LARS2: variants seen among roughly 807,000 people sequenced by gnomAD.
LARS2 encodes leucyl-tRNA synthetase 2, mitochondrial, also known as leucine--tRNA ligase, mitochondrial.
A neutral mutation model predicts 116.6 loss-of-function variants in LARS2; 81 were observed. The observed-to-expected ratio is 0.69, with a 90% CI of 0.58 to 0.84. The LOEUF (loss-of-function observed/expected upper bound fraction) is 0.84. LARS2 is among the 40% of genes least tolerant of loss of function. LARS2 has a pLI of 0.00. For synonymous variants in LARS2, 396 were observed against 407.2 expected, an observed-to-expected ratio of 0.97 and a Z score of 0.33; for missense variants, 968 against 1,114.5, an observed-to-expected ratio of 0.87 and a Z score of 1.87.
At chr3:45,403,314 CT>C (rs1379186011) in intron 4 of LARS2, among the ~76,000 whole-genome samples, 4 of 151,222 alleles carry the variant, frequency 2.6e-5, no homozygotes, top group South Asian at 2.1e-4. Flanking sequence ...TACAATTAAG[CT>C]TTTTTTTGTT....
intron 6 of LARS2, among the ~76,000 whole-genome samples, chr3:45,429,698 C>CTT (rs35874596): frequency 0.25 from 26,622 of 108,106 alleles, 4,229 homozygotes; most frequent in Middle Eastern, 0.35. Flanking sequence ...CATCCTTCTG[C>CTT]TTTTTTTTTT....
intron 11 of LARS2, among the ~76,000 whole-genome samples, chr3:45,488,270 T>A (rs1699849927): frequency 6.6e-6 from 1 of 152,030 alleles, no homozygotes; most frequent in Non-Finnish European, 1.5e-5. Flanking sequence ...CCTTTTCTAC[T>A]AAAAATACAA....
rs3085493 is a variant in LARS2 at position 45,540,746 on chromosome 3, GTCTATCTATCTA to G, written c.2405-1037_2405-1026del. Among the ~76,000 whole-genome samples, 700 of 149,204 alleles carry G rather than the reference GTCTATCTATCTA, an allele frequency of 4.7e-3. 3 individuals carry two copies. The highest frequency in any genetic ancestry group is 7.0e-3 in the African/African-American group (283 of 40,156). ...AACAGAGGCTTGCATGTATCTATCT[GTCTATCTATCTA>G]TCTATCTATCTATCTATCTATCTAT... On this transcript the variant is annotated intron_variant, in intron 20 of 21. Coordinates refer to ENST00000645846, the MANE Select transcript of LARS2 (RefSeq NM_015340.4).
intron 16 of LARS2, among the ~76,000 whole-genome samples, chr3:45,514,921 T>C (rs1430398901): frequency 6.6e-6 from 1 of 152,194 alleles, no homozygotes; most frequent in African/African-American, 2.4e-5. Context: ...ATTGTGAACA[T>C]CTTTTCCCTT....
In LARS2 at chr3:45,508,721, A is replaced by G. The variant is rs111519598; in HGVS notation, c.1761-4414A>G. ...TGATACATCCTGATATTCTTTGCTC[A>G]TACTGTAATTAGCACATTCCTTGTA... On this transcript the variant is annotated intron_variant, in intron 15 of 21. Coordinates refer to ENST00000645846, the MANE Select transcript of LARS2 (RefSeq NM_015340.4). 6.1e-3 allele frequency among the ~76,000 whole-genome samples: 922 copies of G among 152,142 alleles called. 18 individuals are homozygous for G. The highest frequency in any genetic ancestry group is 0.01 in the Middle Eastern group (3 of 294).
intron 3 of LARS2, among the ~76,000 whole-genome samples, chr3:45,396,580 C>T (rs1170192050): frequency 1.3e-5 from 2 of 152,160 alleles, no homozygotes; most frequent in African/African-American, 4.8e-5. Context: ...CACTTGAAAT[C>T]CACTCACATA....
Position 45,485,944 on chromosome 3 carries a change from T to A in LARS2, c.1123+148T>A. 12 of 544,870 alleles carry A rather than the reference T, an allele frequency of 2.2e-5. No homozygotes were observed. In the South Asian group the frequency reaches 2.3e-4, roughly 11 times the overall value. The allele number at this position is 544,870 out of a possible 1,614,324, so 33.8% of individuals were successfully genotyped here. The stretch of plus-strand genomic sequence containing the variant: ...TAAAAATGAATAACCCTTCATTTAA[T>A]CATCCCTTGTTTCAGAACTACATTT... On this transcript the variant is annotated intron_variant, in intron 11 of 21. Coordinates refer to ENST00000645846, the MANE Select transcript of LARS2 (RefSeq NM_015340.4).
chr3:45,500,315 T>A lies in LARS2; in HGVS notation c.1623-127T>A, dbSNP rs188000060. 1.8e-4 allele frequency: 188 copies of A among 1,024,162 alleles called. 1 individual carries two copies. The highest frequency in any genetic ancestry group is 9.1e-4 in the African/African-American group (53 of 58,146). 63.4% of individuals were successfully genotyped at this position (1,024,162 alleles called of 1,614,324 possible). Reference sequence around the variant, plus strand: ...CCGCGCCCGGCCTTCTCTTATATTTTAAAAAAATCATTGTTATTCCCTGAT... The same window carrying A: ...CCGCGCCCGGCCTTCTCTTATATTTAAAAAAAATCATTGTTATTCCCTGAT... On this transcript the variant is annotated intron_variant, in intron 14 of 21. Transcript: ENST00000645846.
chr3:45,415,400 T>G (rs1698396479), intron 4 of LARS2, among the ~76,000 whole-genome samples: 1 of 152,182 alleles, frequency 6.6e-6, no homozygotes, highest in Non-Finnish European at 1.5e-5. Flanking sequence ...TCAGCACTTT[T>G]CTTAACTCAC....
chr3:45,437,690 A>G (rs1242605651), intron 6 of LARS2, among the ~76,000 whole-genome samples: 3 of 152,208 alleles, frequency 2.0e-5, no homozygotes, highest in Non-Finnish European at 4.4e-5. Context: ...TTATGCTTGG[A>G]TTCTAATTTT....
At chr3:45,529,461 A>T (rs149290658) in intron 20 of LARS2, among the ~76,000 whole-genome samples, 1,735 of 151,758 alleles carry the variant, frequency 0.011, 22 homozygotes, top group Non-Finnish European at 0.018. Flanking sequence ...AGGCAGGAGA[A>T]TCGCTTGAAC....
At chr3:45,407,560 A>G (rs1311439082) in intron 4 of LARS2, among the ~76,000 whole-genome samples, 1 of 152,196 alleles carries the variant, frequency 6.6e-6, no homozygotes, top group Non-Finnish European at 1.5e-5. Context: ...TTTATCCCCA[A>G]TCTGTAATAA....
At chr3:45,396,509 T>C (rs1202065980) in intron 3 of LARS2, among the ~76,000 whole-genome samples, 1 of 152,248 alleles carries the variant, frequency 6.6e-6, no homozygotes, top group Non-Finnish European at 1.5e-5. Context: ...GACCTGAGAC[T>C]ATGACGGAAT....
intron 7 of LARS2, among the ~76,000 whole-genome samples, chr3:45,447,994 T>G (rs182376143): frequency 2.4e-4 from 36 of 152,284 alleles, no homozygotes; most frequent in African/African-American, 8.4e-4. Context: ...ACACCTGTAA[T>G]CTCAGCACTT....
At chr3:45,528,491 T>G (rs1367597751) in intron 20 of LARS2, among the ~76,000 whole-genome samples, 1 of 152,210 alleles carries the variant, frequency 6.6e-6, no homozygotes, top group Non-Finnish European at 1.5e-5. Context: ...CTCAGTGTTT[T>G]AAGTAAATTT....
At chr3:45,478,054 C>T (rs1161026433) in intron 10 of LARS2, among the ~76,000 whole-genome samples, 1 of 152,114 alleles carries the variant, frequency 6.6e-6, no homozygotes, top group Non-Finnish European at 1.5e-5. Context: ...TGCCACTCGC[C>T]CCACACAAGG....
At chr3:45,423,799 G>A (rs1194832735) in intron 6 of LARS2, among the ~76,000 whole-genome samples, 2 of 151,832 alleles carry the variant, frequency 1.3e-5, no homozygotes, top group African/African-American at 4.8e-5. Flanking sequence ...TGTGATCTTC[G>A]CCCAGGTGTC....
At chr3:45,506,661 T>C (rs1223612145) in intron 15 of LARS2, among the ~76,000 whole-genome samples, 1 of 152,026 alleles carries the variant, frequency 6.6e-6, no homozygotes, top group Non-Finnish European at 1.5e-5. Context: ...AAGACCTCTG[T>C]CCATGTTCAG....
intron 2 of LARS2, among the ~76,000 whole-genome samples, chr3:45,392,339 T>C (rs1032555904): frequency 1.3e-5 from 2 of 151,184 alleles, no homozygotes; most frequent in African/African-American, 4.9e-5. Flanking sequence ...TCTTGTTTTG[T>C]CGCCCAGGCT....
Sources: allele counts gnomAD v4.1 joint callset (sites outside exome capture counted in the v4.1 genomes callset), GRCh38; gene constraint gnomAD v4.1.1; transcripts MANE v1.5; gene names NCBI Gene and HGNC (gene_info 2026-07-23, HGNC 2026-07-21).